GMPS: variants seen among roughly 807,000 people sequenced by gnomAD.
The protein encoded by GMPS is guanosine monophosphate synthase.
A neutral mutation model predicts 77.9 loss-of-function variants in GMPS; 15 were observed. The observed-to-expected ratio is 0.19, with a 90% CI of 0.13 to 0.30. GMPS has a LOEUF of 0.30. Ranked by LOEUF, GMPS falls within the 10% of genes least tolerant of loss-of-function variation. The pLI, the probability that GMPS is intolerant of heterozygous loss-of-function variation, is 1.00. For missense variants in GMPS, 590 were observed against 838.8 expected, an observed-to-expected ratio of 0.70 and a Z score of 3.66; for synonymous variants, 224 against 275.9, an observed-to-expected ratio of 0.81 and a Z score of 1.86.
intron 1 of GMPS, among the ~76,000 whole-genome samples, chr3:155,890,399 C>A (rs1306137960): frequency 6.6e-6 from 1 of 152,068 alleles, no homozygotes; most frequent in Non-Finnish European, 1.5e-5. Flanking sequence ...GGGAAAATTA[C>A]AATTGTTTTG....
chr3:155,883,069 A>AT (rs1754247877), intron 1 of GMPS, among the ~76,000 whole-genome samples: 1 of 151,872 alleles, frequency 6.6e-6, no homozygotes, highest in African/African-American at 2.4e-5. Flanking sequence ...TTGAAGTTTA[A>AT]TTTTTTTTCT....
At chr3:155,881,164 G>GTTTTTTTTTTTTTTTTTTTTTTTTTTTTT (rs11334499) in intron 1 of GMPS, among the ~76,000 whole-genome samples, 2 of 52,928 alleles carry the variant, frequency 3.8e-5, no homozygotes, top group Non-Finnish European at 6.8e-5. Flanking sequence ...TTTGATATTA[G>GTTTTTTTTTTTTTTTTTTTTTTTTTTTTT]TTTTTTTTTT....
chr3:155,911,200 C>T lies in GMPS; in HGVS notation c.807C>T (p.His269=). The T allele has an allele frequency of 6.2e-7, 1 of 1,612,362 alleles. No homozygotes were observed. Among genetic ancestry groups the T allele is most frequent in the Non-Finnish European group, 8.5e-7 (1 of 1,178,540 alleles). The change falls in exon 7 of 16, where the codon CAC becomes CAT. Residue 269 remains histidine (H), a synonymous_variant. Transcript: ENST00000496455. ...ALNQEQVIAV[H]IDNGFMRKRE... Reference sequence around the variant, plus strand: ...ACCAAGAACAAGTCATTGCTGTGCACATTGATAATGGCTTTATGAGAAAAC... The same window carrying T: ...ACCAAGAACAAGTCATTGCTGTGCATATTGATAATGGCTTTATGAGAAAAC...
intron 7 of GMPS, among the ~76,000 whole-genome samples, chr3:155,913,123 C>T (rs531362288): frequency 6.6e-6 from 1 of 152,266 alleles, no homozygotes; most frequent in African/African-American, 2.4e-5. Flanking sequence ...CTCTTCCTAC[C>T]ACTTCCTCTG....
intron 1 of GMPS, among the ~76,000 whole-genome samples, chr3:155,891,604 C>CT (rs35759331): frequency 0.25 from 32,562 of 127,826 alleles, 4,736 homozygotes; most frequent in East Asian, 0.41. Context: ...TTGTTTGTTA[C>CT]TTTTTTTTTT....
At chr3:155,905,557 CTT>C (rs1440503940) in intron 4 of GMPS, among the ~76,000 whole-genome samples, 1 of 152,100 alleles carries the variant, frequency 6.6e-6, no homozygotes, top group Non-Finnish European at 1.5e-5. Context: ...AGTACCTAGT[CTT>C]TTAGAATTGG....
intron 2 of GMPS, chr3:155,895,553 T>G (rs1434580314): frequency 2.6e-5 from 4 of 152,160 alleles, no homozygotes; most frequent in Admixed American, 6.5e-5. Flanking sequence ...TAAGGTAATC[T>G]GCCCGTTTCA....
At chr3:155,902,682 TGAA>T (rs1378580391) in intron 3 of GMPS, among the ~76,000 whole-genome samples, 3 of 152,202 alleles carry the variant, frequency 2.0e-5, no homozygotes, top group Non-Finnish European at 4.4e-5. Context: ...AGAGGGCTAA[TGAA>T]GAATTTAATC....
intron 1 of GMPS, among the ~76,000 whole-genome samples, chr3:155,891,988 A>C (rs1404829688): frequency 6.6e-6 from 1 of 152,104 alleles, no homozygotes; most frequent in Non-Finnish European, 1.5e-5. Flanking sequence ...TGGAGAAGGG[A>C]GGAATGGTGG....
intron 7 of GMPS, among the ~76,000 whole-genome samples, chr3:155,913,816 G>A (rs909898296): frequency 1.3e-5 from 2 of 150,856 alleles, no homozygotes; most frequent in Admixed American, 6.6e-5. Flanking sequence ...CCACCGTGCC[G>A]GCCCTAATCA....
At chr3:155,881,323 C>T (rs1277590269) in intron 1 of GMPS, among the ~76,000 whole-genome samples, 1 of 151,928 alleles carries the variant, frequency 6.6e-6, no homozygotes, top group Non-Finnish European at 1.5e-5. Flanking sequence ...CAGGCGTGTG[C>T]CACCATGCCC....
intron 1 of GMPS, among the ~76,000 whole-genome samples, chr3:155,881,668 C>T (rs1208480842): frequency 6.6e-6 from 1 of 152,268 alleles, no homozygotes. Context: ...TGTGGGTCAG[C>T]TGACATTGCT....
chr3:155,907,199 T>C (rs969009586), intron 5 of GMPS, among the ~76,000 whole-genome samples: 3 of 152,166 alleles, frequency 2.0e-5, no homozygotes, highest in Non-Finnish European at 4.4e-5. Context: ...AGATCAACAG[T>C]GGTAGATAAG....
chr3:155,894,424 A>G (rs1397393956), intron 2 of GMPS, among the ~76,000 whole-genome samples: 1 of 152,110 alleles, frequency 6.6e-6, no homozygotes. Flanking sequence ...GGGTTTCACC[A>G]TGTTGTCCAG....
chr3:155,877,294 G>T (rs1174781084), intron 1 of GMPS, among the ~76,000 whole-genome samples: 1 of 152,120 alleles, frequency 6.6e-6, no homozygotes, highest in African/African-American at 2.4e-5. Context: ...CAAATTAAAA[G>T]AAATTTTAGT....
intron 3 of GMPS, among the ~76,000 whole-genome samples, chr3:155,900,019 C>T (rs1374418919): frequency 2.6e-5 from 4 of 152,190 alleles, no homozygotes; most frequent in Non-Finnish European, 5.9e-5. Context: ...TATTCATCTA[C>T]TAACGTCTTG....
intron 10 of GMPS, 109 bp downstream of exon 10, chr3:155,919,447 A>G (rs1755264775): frequency 4.9e-6 from 3 of 611,372 alleles, no homozygotes; most frequent in Non-Finnish European, 8.9e-6. Context: ...AATATGTAAC[A>G]TGAGAGAAAG....
chr3:155,870,917 C>T lies in GMPS; in HGVS notation c.27+20C>T. Reference sequence around the variant, plus strand: ...TCCAAGGTCAGCGTGGGGGTCCCTGCAGCACCGCATCCCGGCGGAGGCGAG... The same window carrying T: ...TCCAAGGTCAGCGTGGGGGTCCCTGTAGCACCGCATCCCGGCGGAGGCGAG... On this transcript the variant is annotated intron_variant, in intron 1 of 15. Coordinates refer to ENST00000496455, the MANE Select transcript of GMPS (RefSeq NM_003875.3). The T allele has an allele frequency of 1.4e-6, 2 of 1,469,252 alleles. No homozygotes were observed. The highest frequency in any genetic ancestry group is 1.8e-6 in the Non-Finnish European group (2 of 1,111,190). 91.0% of individuals were successfully genotyped at this position (1,469,252 alleles called of 1,614,324 possible). A position where few individuals can be genotyped will look rare whatever the true frequency, so the allele number is the denominator to read the frequency against.
At chr3:155,878,033 C>T (rs1336873274) in intron 1 of GMPS, among the ~76,000 whole-genome samples, 1 of 152,120 alleles carries the variant, frequency 6.6e-6, no homozygotes, top group Non-Finnish European at 1.5e-5. Context: ...CTTGGCCTCC[C>T]AAAGTGTTAG....
Sources: allele counts gnomAD v4.1 joint callset (sites outside exome capture counted in the v4.1 genomes callset), GRCh38; gene constraint gnomAD v4.1.1; transcripts MANE v1.5; gene names NCBI Gene and HGNC (gene_info 2026-07-23, HGNC 2026-07-21).